Variants in SNX29 observed in about 807,000 individuals in gnomAD.
SNX29 encodes the protein sorting nexin-29.
In SNX29, 78 loss-of-function variants were observed where a neutral mutation model predicts 102.1. The ratio of observed to expected loss-of-function variants is 0.76; its 90% CI spans 0.64 to 0.92. The LOEUF is 0.92. Ranked by LOEUF, SNX29 falls within the 40% of genes least tolerant of loss-of-function variation. The pLI is 0.00. For synonymous variants in SNX29, 580 were observed against 414.5 expected (o/e 1.40, Z -4.85); for missense variants, 1,280 against 1,061.7 (o/e 1.21, Z -2.86).
intron 18 of SNX29, among the ~76,000 whole-genome samples, chr16:12,459,111 C>T (rs2086663377): frequency 1.6e-5 from 2 of 125,260 alleles, no homozygotes; most frequent in African/African-American, 6.0e-5. Flanking sequence ...GTTTCACTCT[C>T]CCCTCCTCCT....
intron 20 of SNX29, among the ~76,000 whole-genome samples, chr16:12,538,887 G>A (rs1287322942): frequency 2.7e-5 from 4 of 146,042 alleles, no homozygotes; most frequent in South Asian, 4.2e-4. Flanking sequence ...TTGTACACTT[G>A]CACAGATTAA....
At chr16:11,977,027 C>T (rs982172951) in intron 1 of SNX29, 29 of 477,962 alleles carry the variant, frequency 6.1e-5, no homozygotes, top group African/African-American at 5.5e-4. Context: ...CACTCCTGGT[C>T]TCCTGACTCC....
intron 14 of SNX29, among the ~76,000 whole-genome samples, chr16:12,270,731 T>TA (rs1362185750): frequency 1.3e-5 from 2 of 152,182 alleles, no homozygotes; most frequent in Non-Finnish European, 2.9e-5. Flanking sequence ...CTTCATGGTC[T>TA]AACTCAGTCT....
At position 12,319,318 on chromosome 16, in the gene SNX29, A is replaced by G. The variant is rs1433041197; in HGVS notation, c.1783-36845A>G. Among the ~76,000 whole-genome samples, 12 of 152,176 alleles carry G rather than the reference A, an allele frequency of 7.9e-5. No homozygotes were observed. The East Asian group carries it at 1.7e-3, about 22-fold the overall frequency. Reference sequence around the variant, plus strand: ...GGAGTTCGAGACCAGCCCAAGCAACATAGACCGTCTCTACAAAAGTAAAAA... The same window carrying G: ...GGAGTTCGAGACCAGCCCAAGCAACGTAGACCGTCTCTACAAAAGTAAAAA... On this transcript the variant is annotated intron_variant, in intron 15 of 20. Transcript: ENST00000566228.
At chr16:12,048,226 C>A in intron 6 of SNX29, 146 bp from the exon 7 acceptor site, 1 of 1,186,636 alleles carries the variant, frequency 8.4e-7, no homozygotes, top group Non-Finnish European at 1.2e-6. Flanking sequence ...TCGCTCCCTG[C>A]AACGTCCGCA....
intron 13 of SNX29, among the ~76,000 whole-genome samples, chr16:12,196,532 G>A (rs1325160766): frequency 6.6e-6 from 1 of 152,002 alleles, no homozygotes; most frequent in Non-Finnish European, 1.5e-5. Context: ...AGCAAGGAGG[G>A]ATTTCAAGGA....
intron 18 of SNX29, among the ~76,000 whole-genome samples, chr16:12,412,660 C>T (rs975030423): frequency 1.3e-5 from 2 of 152,184 alleles, no homozygotes; most frequent in Non-Finnish European, 2.9e-5. Flanking sequence ...TGTGTGCGTG[C>T]ATACGTGTGC....
Position 12,568,730 on chromosome 16 carries a change from C to A in SNX29, c.*101C>A, listed in dbSNP as rs890897. On this transcript the variant is annotated 3_prime_UTR_variant, in exon 21 of 21. Coordinates refer to ENST00000566228, the MANE Select transcript of SNX29 (RefSeq NM_032167.5). ...CACCTCAGCGTGACAACCACGTCCA[C>A]CTGGTGATCCTGAGAGCACACGATT... is the stretch of plus-strand genomic sequence containing the variant. The A allele has an allele frequency of 0.24, 360,535 of 1,486,054 alleles. 45,904 individuals are homozygous for A. Among genetic ancestry groups the A allele is most frequent in the East Asian group, 0.44 (18,366 of 41,864 alleles). 92.1% of individuals were successfully genotyped at this position (1,486,054 alleles called of 1,614,324 possible).
At chr16:12,478,963 G>C (rs548997826) in intron 19 of SNX29, among the ~76,000 whole-genome samples, 65 of 152,308 alleles carry the variant, frequency 4.3e-4, no homozygotes, top group African/African-American at 1.5e-3. Context: ...GGGACAGTCT[G>C]ATTGGAAGGT....
intron 20 of SNX29, among the ~76,000 whole-genome samples, chr16:12,528,886 T>C (rs924373853): frequency 2.0e-5 from 3 of 152,232 alleles, no homozygotes; most frequent in Non-Finnish European, 4.4e-5. Flanking sequence ...GCAGGAAAGA[T>C]AAAAACCAGT....
intron 20 of SNX29, among the ~76,000 whole-genome samples, chr16:12,554,718 T>C (rs1011080213): frequency 2.0e-5 from 3 of 152,174 alleles, no homozygotes; most frequent in Non-Finnish European, 2.9e-5. Context: ...GACAGCTGTC[T>C]TTCAGTCTTT....
At chr16:12,261,038 A>C (rs2078734581) in intron 14 of SNX29, among the ~76,000 whole-genome samples, 1 of 139,482 alleles carries the variant, frequency 7.2e-6, no homozygotes. Context: ...GGCTGGAGTG[A>C]GTGTGTGCTG....
At chr16:12,020,626 A>AT (rs764756318) in intron 3 of SNX29, among the ~76,000 whole-genome samples, 1,634 of 140,590 alleles carry the variant, frequency 0.012, 21 homozygotes, top group East Asian at 0.046. Flanking sequence ...CTCATGGCTC[A>AT]TTTTTTTTTT....
rs576401266 is a variant in SNX29 at position 12,570,943 on chromosome 16, A to T, written c.*2314A>T. The T allele has an allele frequency of 4.3e-6, 1 of 231,604 alleles. No homozygotes were observed. The highest frequency in any genetic ancestry group is 5.6e-5 in the Admixed American group (1 of 17,716). The allele number at this position is 231,604 out of a possible 1,614,324, so 14.3% of individuals were successfully genotyped here. A position where few individuals can be genotyped will look rare whatever the true frequency, so the allele number is the denominator to read the frequency against. ...ATGAGAGCATGTTCCTGGGAGCCAC[A>T]TGGGGACCATCCCCAGCTGCCTGCT... On this transcript the variant is annotated 3_prime_UTR_variant, in exon 21 of 21. Coordinates refer to ENST00000566228, the MANE Select transcript of SNX29 (RefSeq NM_032167.5).
chr16:12,166,535 G>A (rs760115128), intron 13 of SNX29, among the ~76,000 whole-genome samples: 5 of 152,208 alleles, frequency 3.3e-5, no homozygotes, highest in African/African-American at 4.8e-5. Flanking sequence ...GCAGGGGAGC[G>A]TGGCGCTCAG....
chr16:12,426,826 C>T (rs2085099332), intron 18 of SNX29, among the ~76,000 whole-genome samples: 1 of 152,044 alleles, frequency 6.6e-6, no homozygotes, highest in South Asian at 2.1e-4. Flanking sequence ...CTACCATGCC[C>T]AGCTAATTTT....
intron 19 of SNX29, among the ~76,000 whole-genome samples, chr16:12,496,295 C>CTGT (rs1240013640): frequency 3.3e-4 from 51 of 152,280 alleles, no homozygotes; most frequent in African/African-American, 1.2e-3. Context: ...GGTTGTGTTT[C>CTGT]CGTGGTGGTG....
At chr16:12,356,045 C>G in intron 15 of SNX29, 118 bp from the exon 16 acceptor site, 2 of 852,972 alleles carry the variant, frequency 2.3e-6, no homozygotes, top group Non-Finnish European at 3.7e-6. Flanking sequence ...TGACTCCAGC[C>G]CCAACAGCCT....
intron 15 of SNX29, among the ~76,000 whole-genome samples, chr16:12,333,110 T>TTTTTC (rs2081344548): frequency 6.7e-6 from 1 of 150,120 alleles, no homozygotes; most frequent in Admixed American, 6.6e-5. Flanking sequence ...CAGTTAATTT[T>TTTTTC]TTTTTTTTTT....
Sources: allele counts gnomAD v4.1 joint callset (sites outside exome capture counted in the v4.1 genomes callset), GRCh38; gene constraint gnomAD v4.1.1; transcripts MANE v1.5; gene names NCBI Gene and HGNC (gene_info 2026-07-23, HGNC 2026-07-21).